The following CLDN14 variants were observed in gnomAD, a reference collection of about 807,000 sequenced individuals.
CLDN14 encodes claudin 14, also known as claudin-14.
Under a neutral mutation model 2.1 loss-of-function variants are expected in CLDN14, and 2 were observed. That is an observed-to-expected ratio of 0.96 (90% CI 0.39 to 3.01). CLDN14 has a LOEUF of 3.01. Among genes scored for constraint, CLDN14 ranks in the 30% most tolerant of loss-of-function variants. The pLI, the probability that CLDN14 is intolerant of heterozygous loss-of-function variation, is 0.09. For missense variants in CLDN14, 298 were observed against 328.0 expected, an observed-to-expected ratio of 0.91 and a Z score of 0.71; for synonymous variants, 136 against 154.4, an observed-to-expected ratio of 0.88 and a Z score of 0.88.
intron 1 of CLDN14, among the ~76,000 whole-genome samples, chr21:36,557,739 T>G (rs938086896): frequency 1.2e-4 from 19 of 152,246 alleles, no homozygotes; most frequent in Non-Finnish European, 2.8e-4. Flanking sequence ...CTACGTTATC[T>G]TTTTACTCTG....
At chr21:36,529,862 T>C (rs1363971168) in intron 1 of CLDN14, among the ~76,000 whole-genome samples, 1 of 152,248 alleles carries the variant, frequency 6.6e-6, no homozygotes, top group South Asian at 2.1e-4. Context: ...AACTGTTTTA[T>C]GCAGAACAAC....
chr21:36,560,791 T>G (rs894469931), intron 1 of CLDN14, among the ~76,000 whole-genome samples: 1 of 142,578 alleles, frequency 7.0e-6, no homozygotes, highest in South Asian at 2.4e-4. Context: ...CCAAAATGGA[T>G]CTGATCTTCC....
At chr21:36,572,269 T>G (rs982285132) in intron 1 of CLDN14, among the ~76,000 whole-genome samples, 1 of 151,472 alleles carries the variant, frequency 6.6e-6, no homozygotes, top group Non-Finnish European at 1.5e-5. Context: ...CTTGTGTGGG[T>G]TGTGTGTGTG....
At position 36,461,099 on chromosome 21, in the gene CLDN14, C is replaced by T. The variant is rs2086562780; in HGVS notation, c.597G>A (p.Arg199=). 1.2e-6 allele frequency: 2 copies of T among 1,613,990 alleles called. No individual in the cohort carries two copies. The highest frequency in any genetic ancestry group is 1.7e-6 in the Non-Finnish European group (2 of 1,179,996). ...APYRPYQAPP[R]ATTTTANTAP... Reference sequence around the variant, plus strand: ...CGGTGTTTGCAGTGGTCGTGGTGGCCCTGGGCGGGGCCTGGTAGGGCCTGT... The same window carrying T: ...CGGTGTTTGCAGTGGTCGTGGTGGCTCTGGGCGGGGCCTGGTAGGGCCTGT... The change falls in exon 2 of 2, where the codon AGG becomes AGA. Residue 199 remains arginine (R), a synonymous_variant. Coordinates refer to ENST00000399135, the MANE Select transcript of CLDN14 (RefSeq NM_001146079.2).
chr21:36,536,333 G>A (rs979053486), intron 1 of CLDN14, among the ~76,000 whole-genome samples: 4 of 152,318 alleles, frequency 2.6e-5, no homozygotes, highest in East Asian at 3.9e-4. Context: ...GTTCTCCCTC[G>A]TGTTAGATGC....
intron 2 of CLDN14, chr21:36,487,349 G>C: frequency 4.7e-6 from 1 of 213,126 alleles, no homozygotes; most frequent in Non-Finnish European, 1.0e-5. Context: ...GGGTGGGGAA[G>C]AAGTCCTCAT....
rs752549518 is a variant in CLDN14, at chr21:36,486,090, G to A, written c.-82+24273C>T. 5.1e-6 allele frequency: 7 copies of A among 1,370,082 alleles called. No individual in the cohort carries two copies. In the East Asian group the frequency reaches 1.4e-4, roughly 27 times the overall value. The allele number at this position is 1,370,082 out of a possible 1,614,324, so 84.9% of individuals were successfully genotyped here. On this transcript the variant is annotated intron_variant, in intron 2 of 2. Coordinates refer to the CLDN14 transcript ENST00000342108. ...GCTTCATTGTTGGGATCCACACCTG[G>A]GAGGTTCTCCAGGACACTCTGAAGG...
upstream of CLDN14, among the ~76,000 whole-genome samples, chr21:36,483,998 C>G (rs150816312): frequency 1.8e-4 from 27 of 152,332 alleles, no homozygotes; most frequent in African/African-American, 6.5e-4. Context: ...TACGGACCCA[C>G]TGCAGGGATG....
rs146820518 is a variant in CLDN14, at chr21:36,500,669, T to C, written c.-82+9694A>G. The stretch of plus-strand genomic sequence containing the variant: ...CTGATCTTGAACTCCTTGCCTCAAG[T>C]GATCCACCCGCCTCGGCCTCCCAAA... On this transcript the variant is annotated intron_variant, in intron 2 of 2. Coordinates refer to the CLDN14 transcript ENST00000342108. 6.1e-3 allele frequency among the ~76,000 whole-genome samples: 933 copies of C among 152,320 alleles called. 10 individuals carry two copies. The highest frequency in any genetic ancestry group is 0.021 in the African/African-American group (890 of 41,576).
intron 1 of CLDN14, among the ~76,000 whole-genome samples, chr21:36,511,600 C>T (rs1005556210): frequency 3.3e-5 from 5 of 152,196 alleles, no homozygotes; most frequent in African/African-American, 9.6e-5. Context: ...GCCCACACTT[C>T]GAGAGTCCTC....
At chr21:36,529,277 T>C in intron 1 of CLDN14, among the ~76,000 whole-genome samples, 1 of 151,766 alleles carries the variant, frequency 6.6e-6, no homozygotes, top group African/African-American at 2.4e-5. Context: ...CCTGTGCAGG[T>C]AAAAAAAACC....
chr21:36,463,684 C>G (rs12626330), intron 1 of CLDN14, among the ~76,000 whole-genome samples: 56,613 of 151,998 alleles, frequency 0.37, 12,316 homozygotes, highest in Middle Eastern at 0.49. Flanking sequence ...TGCACTCCAG[C>G]CTGGGCAACA....
chr21:36,534,821 C>T (rs1287171296), intron 1 of CLDN14, among the ~76,000 whole-genome samples: 8 of 152,076 alleles, frequency 5.3e-5, no homozygotes, highest in Admixed American at 3.3e-4. Flanking sequence ...AGGCTGTGTC[C>T]CCGCCCCTTA....
intron 1 of CLDN14, among the ~76,000 whole-genome samples, chr21:36,476,582 A>G (rs924732904): frequency 6.6e-6 from 1 of 151,922 alleles, no homozygotes; most frequent in African/African-American, 2.4e-5. Context: ...CCTCCTGAGT[A>G]GCTGGGATTA....
intron 1 of CLDN14, among the ~76,000 whole-genome samples, chr21:36,471,644 A>C (rs2086712347): frequency 6.6e-6 from 1 of 152,260 alleles, no homozygotes; most frequent in Non-Finnish European, 1.5e-5. Flanking sequence ...TTGGAAATCC[A>C]GCAGAGCCCA....
At chr21:36,475,871 C>T (rs1393593362) in intron 1 of CLDN14, among the ~76,000 whole-genome samples, 1 of 152,122 alleles carries the variant, frequency 6.6e-6, no homozygotes, top group African/African-American at 2.4e-5. Flanking sequence ...GACGGGGTTT[C>T]ACTCCGTCTA....
intron 1 of CLDN14, among the ~76,000 whole-genome samples, chr21:36,521,287 G>A (rs1388043431): frequency 6.6e-6 from 1 of 152,152 alleles, no homozygotes; most frequent in African/African-American, 2.4e-5. Flanking sequence ...CATGAGGAAA[G>A]CACGTGACCC....
In CLDN14 at chr21:36,490,820, G is replaced by A. The variant is rs548402145; in HGVS notation, c.-82+19543C>T. Among the ~76,000 whole-genome samples the A allele has an allele frequency of 3.9e-5, 6 of 152,156 alleles. No individual in the cohort carries two copies. In the South Asian group the frequency reaches 1.2e-3, roughly 32 times the overall value. On this transcript the variant is annotated intron_variant, in intron 2 of 2. Transcript: ENST00000342108. ...TCTGACTGTTCAGTTTGATACACGTGGAACCAGGTTTGCTTGCACCCTCCT... is the reference window on the plus strand; with the variant it reads ...TCTGACTGTTCAGTTTGATACACGTAGAACCAGGTTTGCTTGCACCCTCCT...
At position 36,498,042 on chromosome 21, in the gene CLDN14, C is replaced by A. The variant is rs1014058756; in HGVS notation, c.-82+12321G>T. On this transcript the variant is annotated intron_variant, in intron 2 of 2. Transcript: ENST00000342108. The surrounding 1 kb of genome is among the most constrained non-coding windows in gnomAD (Gnocchi z 4.9). Reference sequence around the variant, plus strand: ...TGAGATGGAGTTTTGCTCTGTTGCCCAGGCTGGAGTGCAGTGGTGCAATCT... The same window carrying A: ...TGAGATGGAGTTTTGCTCTGTTGCCAAGGCTGGAGTGCAGTGGTGCAATCT... Among the ~76,000 whole-genome samples the A allele has an allele frequency of 6.6e-6, 1 of 151,904 alleles. No individual in the cohort carries two copies. The highest frequency in any genetic ancestry group is 1.5e-5 in the Non-Finnish European group (1 of 68,008).
Sources: gnomAD v4.1 joint callset for allele counts (sites outside exome capture counted in the v4.1 genomes callset) on GRCh38, gnomAD v4.1.1 for gene constraint, Gnocchi (gnomAD v3.1) non-coding constraint, MANE v1.5 for transcripts, NCBI Gene and HGNC (gene_info 2026-07-23, HGNC 2026-07-21) for gene names.